The following PCDH9 variants were observed in gnomAD, a reference collection of about 807,000 sequenced individuals.
PCDH9 encodes the protein protocadherin-9.
A neutral mutation model predicts 70.6 loss-of-function variants in PCDH9; 24 were observed. The observed-to-expected ratio is 0.34, with a 90% CI of 0.25 to 0.48. The LOEUF (loss-of-function observed/expected upper bound fraction) is 0.48, where lower values mean the gene tolerates loss of function less well. PCDH9 is among the 20% of genes least tolerant of loss of function. PCDH9 has a pLI of 0.99. For missense variants in PCDH9, 1,281 were observed against 1,503.6 expected (o/e 0.85, Z 2.45); for synonymous variants, 562 against 558.5 (o/e 1.01, Z -0.09).
chr13:66,801,014 CTTT>C (rs34026647), intron 3 of PCDH9, among the ~76,000 whole-genome samples: 1 of 137,972 alleles, frequency 7.2e-6, no homozygotes, highest in African/African-American at 2.7e-5. Flanking sequence ...TCTTTCTTTC[CTTT>C]TTTTTTTTTT....
chr13:66,322,987 T>A (rs1296554783), intron 4 of PCDH9, among the ~76,000 whole-genome samples: 1 of 152,072 alleles, frequency 6.6e-6, no homozygotes, highest in Non-Finnish European at 1.5e-5. Context: ...ATGTTTCCAT[T>A]TTTAAAGCAA....
intron 4 of PCDH9, among the ~76,000 whole-genome samples, chr13:66,355,213 G>A (rs749721382): frequency 6.6e-6 from 1 of 151,924 alleles, no homozygotes; most frequent in Non-Finnish European, 1.5e-5. Context: ...GAGAAAGCAA[G>A]TACAGTTGGT....
At chr13:66,543,428 G>A (rs926627190) in intron 4 of PCDH9, among the ~76,000 whole-genome samples, 15 of 151,988 alleles carry the variant, frequency 9.9e-5, no homozygotes, top group Admixed American at 2.0e-4. Context: ...TTAGCCAGGC[G>A]TGGTGGCACG....
At chr13:66,743,982 T>A (rs1450032580) in intron 3 of PCDH9, among the ~76,000 whole-genome samples, 1 of 150,968 alleles carries the variant, frequency 6.6e-6, no homozygotes, top group Non-Finnish European at 1.5e-5. Flanking sequence ...TGAAAAAAAA[T>A]GTAAATGGGA....
chr13:66,362,085 A>G (rs1430017712), intron 4 of PCDH9, among the ~76,000 whole-genome samples: 1 of 152,214 alleles, frequency 6.6e-6, no homozygotes, highest in Non-Finnish European at 1.5e-5. Flanking sequence ...GAACAAAATT[A>G]CTGATATCTA....
At chr13:66,606,885 A>G (rs1232320307) in intron 4 of PCDH9, among the ~76,000 whole-genome samples, 2 of 152,122 alleles carry the variant, frequency 1.3e-5, no homozygotes, top group African/African-American at 4.8e-5. Context: ...CCACTGTATT[A>G]TTGTGGGTTA....
At chr13:66,577,750 T>C (rs2076835018) in intron 4 of PCDH9, among the ~76,000 whole-genome samples, 1 of 152,034 alleles carries the variant, frequency 6.6e-6, no homozygotes, top group South Asian at 2.1e-4. Flanking sequence ...TAGTTATTGG[T>C]TAAAAGAGGG....
At chr13:67,186,395 A>G (rs972360239) in intron 2 of PCDH9, among the ~76,000 whole-genome samples, 4 of 152,198 alleles carry the variant, frequency 2.6e-5, no homozygotes, top group Non-Finnish European at 5.9e-5. Flanking sequence ...AAAATAATTC[A>G]TACTATAATA....
chr13:66,909,028 T>C (rs1192119977), intron 2 of PCDH9, among the ~76,000 whole-genome samples: 2 of 152,166 alleles, frequency 1.3e-5, no homozygotes, highest in African/African-American at 2.4e-5. Flanking sequence ...GAAGGAAATG[T>C]TACCTGTATC....
chr13:67,049,293 T>C (rs1594440901), intron 2 of PCDH9, among the ~76,000 whole-genome samples: 1 of 152,336 alleles, frequency 6.6e-6, no homozygotes, highest in East Asian at 1.9e-4. Flanking sequence ...TTCTGATTAA[T>C]GTTTTATGAG....
At chr13:66,872,707 C>T (rs1224147955) in intron 3 of PCDH9, among the ~76,000 whole-genome samples, 1 of 152,012 alleles carries the variant, frequency 6.6e-6, no homozygotes, top group Non-Finnish European at 1.5e-5. Flanking sequence ...ACACAGGTAT[C>T]CCATAGGTCA....
At chr13:66,739,165 G>C (rs531429633) in intron 3 of PCDH9, among the ~76,000 whole-genome samples, 15 of 145,546 alleles carry the variant, frequency 1.0e-4, no homozygotes, top group Admixed American at 7.7e-4. Context: ...CTACAAGCTA[G>C]AAGAGAGTGG....
intron 2 of PCDH9, among the ~76,000 whole-genome samples, chr13:66,922,317 A>AT (rs2082649809): frequency 6.6e-6 from 1 of 151,434 alleles, no homozygotes; most frequent in Admixed American, 6.6e-5. Flanking sequence ...ATTATTAAAA[A>AT]TTGATCAGTT....
intron 2 of PCDH9, among the ~76,000 whole-genome samples, chr13:67,200,480 T>C (rs186623100): frequency 1.4e-4 from 21 of 152,146 alleles, no homozygotes; most frequent in African/African-American, 4.6e-4. Context: ...AATAAGTGAA[T>C]CAATCCTCTA....
At chr13:66,371,664 A>G (rs1249301931) in intron 4 of PCDH9, among the ~76,000 whole-genome samples, 1 of 152,112 alleles carries the variant, frequency 6.6e-6, no homozygotes, top group East Asian at 1.9e-4. Flanking sequence ...TAACTTAAAG[A>G]ACCTAACAGA....
chr13:66,479,090 T>A (rs1958788079), intron 4 of PCDH9, among the ~76,000 whole-genome samples: 1 of 152,202 alleles, frequency 6.6e-6, no homozygotes, highest in African/African-American at 2.4e-5. Context: ...TTAAGAATTA[T>A]GCTAAATCTA....
At chr13:66,821,126 A>C (rs1263834658) in intron 3 of PCDH9, among the ~76,000 whole-genome samples, 1 of 152,188 alleles carries the variant, frequency 6.6e-6, no homozygotes, top group Non-Finnish European at 1.5e-5. Context: ...TAAATGTTTT[A>C]TATCACTAAT....
intron 2 of PCDH9, among the ~76,000 whole-genome samples, chr13:66,976,384 C>A (rs1007157689): frequency 6.6e-6 from 1 of 151,988 alleles, no homozygotes; most frequent in African/African-American, 2.4e-5. Flanking sequence ...TTATACTGGG[C>A]AACTTTCATA....
intron 2 of PCDH9, among the ~76,000 whole-genome samples, chr13:66,907,463 T>C (rs1050768938): frequency 4.6e-5 from 7 of 152,176 alleles, no homozygotes; most frequent in Admixed American, 3.3e-4. Flanking sequence ...TCATCACCTA[T>C]GATTGAAAGT....
Sources: allele counts gnomAD v4.1 joint callset (sites outside exome capture counted in the v4.1 genomes callset), GRCh38; gene constraint gnomAD v4.1.1; transcripts MANE v1.5; gene names NCBI Gene and HGNC (gene_info 2026-07-23, HGNC 2026-07-21).